The following CTTNBP2NL variants were observed in gnomAD, a reference collection of about 807,000 sequenced individuals.
CTTNBP2NL encodes CTTNBP2 N-terminal like.
In CTTNBP2NL, 16 loss-of-function variants were observed where a neutral mutation model predicts 32.5. The observed-to-expected ratio is 0.49, with a 90% CI of 0.33 to 0.75. CTTNBP2NL has a LOEUF of 0.75. Ranked by LOEUF, CTTNBP2NL falls within the 30% of genes least tolerant of loss-of-function variation. CTTNBP2NL has a pLI of 0.02. For synonymous variants in CTTNBP2NL, 298 were observed against 289.4 expected, an observed-to-expected ratio of 1.03 and a Z score of -0.30; for missense variants, 645 against 756.0, an observed-to-expected ratio of 0.85 and a Z score of 1.72.
chr1:112,432,066 ATT>A (rs11440212), intron 3 of CTTNBP2NL, among the ~76,000 whole-genome samples: 18 of 91,044 alleles, frequency 2.0e-4, no homozygotes, highest in African/African-American at 6.7e-4. Flanking sequence ...ATATATTTTG[ATT>A]TTTTTTTTTT....
chr1:112,432,272 A>C (rs1649588341), intron 3 of CTTNBP2NL, among the ~76,000 whole-genome samples: 2 of 151,634 alleles, frequency 1.3e-5, no homozygotes, highest in South Asian at 4.2e-4. Flanking sequence ...ACAGGGTTTC[A>C]CCGTGGTCTC....
At chr1:112,446,909 C>T (rs1650059672) in intron 3 of CTTNBP2NL, among the ~76,000 whole-genome samples, 1 of 152,126 alleles carries the variant, frequency 6.6e-6, no homozygotes, top group Admixed American at 6.5e-5. Flanking sequence ...TCTTTTCTTT[C>T]TCCATCCTAA....
At chr1:112,407,033 A>G (rs950005303) in intron 1 of CTTNBP2NL, among the ~76,000 whole-genome samples, 3 of 152,204 alleles carry the variant, frequency 2.0e-5, no homozygotes, top group Non-Finnish European at 4.4e-5. Context: ...AACTCAAAAC[A>G]TCTTTCCTCG....
intron 3 of CTTNBP2NL, among the ~76,000 whole-genome samples, chr1:112,432,166 C>T (rs768774586): frequency 3.3e-5 from 5 of 149,644 alleles, no homozygotes; most frequent in Non-Finnish European, 5.9e-5. Context: ...TTCTGCCTCC[C>T]GGGTTCACAC....
In CTTNBP2NL at chr1:112,456,688, C is replaced by T. The variant is rs773885675; in HGVS notation, c.1196C>T (p.Pro399Leu). Residue 399 changes from proline to leucine, a missense_variant, in exon 6 of 6, where the codon CCA becomes CTA. Physicochemically the swap from Pro to Leu is moderately conservative, Grantham distance 98. Transcript: ENST00000271277. ...NGGCPVGIETPVPMPSPLSSS... is the reference protein window; with the variant it reads ...NGGCPVGIETLVPMPSPLSSS... ...GGGTGTCCTGTGGGGATTGAGACTCCAGTCCCAATGCCCAGTCCCCTCTCT... is the reference window on the plus strand; with the variant it reads ...GGGTGTCCTGTGGGGATTGAGACTCTAGTCCCAATGCCCAGTCCCCTCTCT... 2 of 1,613,934 alleles carry T rather than the reference C, an allele frequency of 1.2e-6. No homozygotes were observed. The highest frequency in any genetic ancestry group is 1.3e-5 in the African/African-American group (1 of 74,898).
rs763972753 is a variant in CTTNBP2NL at position 112,456,618 on chromosome 1, G to GA, written c.1131dup (p.Ser378IlefsTer20). 2 of 1,614,104 alleles carry GA rather than the reference G, an allele frequency of 1.2e-6. No individual in the cohort carries two copies. The highest frequency in any genetic ancestry group is 1.1e-5 in the South Asian group (1 of 91,074). Reference sequence around the variant, plus strand: ...TGTAGAAAACCAGGTGCCTCCACGGGAAAAATCTGTGGCATTGGCCCAAGA... The same window carrying GA: ...TGTAGAAAACCAGGTGCCTCCACGGGAAAAAATCTGTGGCATTGGCCCAAGA... On this transcript the variant is annotated frameshift_variant, in exon 6 of 6. Coordinates refer to ENST00000271277, the MANE Select transcript of CTTNBP2NL (RefSeq NM_018704.3). LOFTEE classifies it low-confidence loss of function (END_TRUNC).
At position 112,459,728 on chromosome 1, in the gene CTTNBP2NL, A is replaced by G. The variant is rs1650491071; in HGVS notation, c.*2316A>G. ...AACTTTCTAAACTGGAGAGGAGGCT[A>G]CAGTGCCAGAGAGTTATTGTCTCTT... On this transcript the variant is annotated 3_prime_UTR_variant, in exon 6 of 6. Coordinates refer to ENST00000271277, the MANE Select transcript of CTTNBP2NL (RefSeq NM_018704.3). 1 of 152,236 alleles carries G rather than the reference A, an allele frequency of 6.6e-6. No individual in the cohort carries two copies. The highest frequency in any genetic ancestry group is 1.5e-5 in the Non-Finnish European group (1 of 68,042). The allele number at this position is 152,236 out of a possible 1,614,324, so 9.4% of individuals were successfully genotyped here. A position where few individuals can be genotyped will look rare whatever the true frequency, so the allele number is the denominator to read the frequency against.
At chr1:112,446,740 A>G (rs1351121738) in intron 3 of CTTNBP2NL, among the ~76,000 whole-genome samples, 3 of 152,064 alleles carry the variant, frequency 2.0e-5, no homozygotes, top group African/African-American at 4.8e-5. Flanking sequence ...TGTAGAGACA[A>G]GGTCTCCCTA....
chr1:112,439,041 G>A (rs1383198332), intron 3 of CTTNBP2NL, among the ~76,000 whole-genome samples: 1 of 152,162 alleles, frequency 6.6e-6, no homozygotes, highest in African/African-American at 2.4e-5. Flanking sequence ...AGGCTACAGT[G>A]ACAGCCGAAA....
chr1:112,452,455 C>T (rs978909893), intron 4 of CTTNBP2NL, among the ~76,000 whole-genome samples: 1 of 149,230 alleles, frequency 6.7e-6, no homozygotes, highest in African/African-American at 2.5e-5. Flanking sequence ...AGCGATTCTC[C>T]TGCCTCAGCC....
intron 3 of CTTNBP2NL, among the ~76,000 whole-genome samples, chr1:112,443,638 T>C (rs1447069406): frequency 6.6e-6 from 1 of 152,362 alleles, no homozygotes; most frequent in Middle Eastern, 3.4e-3. Context: ...TGTGAGCCAC[T>C]GCACCTGGCC....
intron 4 of CTTNBP2NL, among the ~76,000 whole-genome samples, chr1:112,452,468 C>T (rs926023697): frequency 1.5e-4 from 23 of 150,730 alleles, no homozygotes; most frequent in Non-Finnish European, 2.2e-4. Context: ...CCTCAGCCTC[C>T]CGAGTAGCTG....
chr1:112,445,900 G>C lies in CTTNBP2NL; in HGVS notation c.100-3042G>C, dbSNP rs1331595719. 4.6e-5 allele frequency among the ~76,000 whole-genome samples: 7 copies of C among 152,140 alleles called. No homozygotes were observed. In the South Asian group the frequency reaches 1.0e-3, roughly 22 times the overall value. On this transcript the variant is annotated intron_variant, in intron 3 of 5. Coordinates refer to ENST00000271277, the MANE Select transcript of CTTNBP2NL (RefSeq NM_018704.3). The stretch of plus-strand genomic sequence containing the variant: ...AGCTTCTCAGCAGATCTGATGTCAA[G>C]GTCATGAATTGTAGTCCCAGCTCCT...
chr1:112,406,462 G>A (rs930805533), intron 1 of CTTNBP2NL, among the ~76,000 whole-genome samples: 1 of 152,160 alleles, frequency 6.6e-6, no homozygotes, highest in African/African-American at 2.4e-5. Context: ...CTAGCTGTGA[G>A]GCTTTGAGCA....
intron 3 of CTTNBP2NL, among the ~76,000 whole-genome samples, chr1:112,423,756 C>CTG (rs1315245439): frequency 7.2e-5 from 11 of 152,224 alleles, no homozygotes; most frequent in Non-Finnish European, 1.5e-4. Flanking sequence ...CGGAGTCTCG[C>CTG]TGTGTCGCCA....
At chr1:112,397,164 T>C (rs141975345) in intron 1 of CTTNBP2NL, among the ~76,000 whole-genome samples, 1,714 of 152,350 alleles carry the variant, frequency 0.011, 18 homozygotes, top group Admixed American at 0.015. Flanking sequence ...TATATGTTGC[T>C]TGACAGTCAA....
intron 3 of CTTNBP2NL, among the ~76,000 whole-genome samples, chr1:112,422,321 ATTTC>A (rs930173877): frequency 2.0e-5 from 3 of 152,086 alleles, no homozygotes; most frequent in African/African-American, 7.2e-5. Context: ...TTGATAGCTC[ATTTC>A]TTCTTTGTTA....
intron 1 of CTTNBP2NL, among the ~76,000 whole-genome samples, chr1:112,410,085 T>C (rs189748519): frequency 2.1e-3 from 321 of 152,324 alleles, no homozygotes; most frequent in African/African-American, 7.4e-3. Flanking sequence ...TTGAAATCAC[T>C]TATTGATAAC....
chr1:112,414,985 T>G (rs992928307), intron 2 of CTTNBP2NL: 10 of 152,178 alleles, frequency 6.6e-5, no homozygotes, highest in Middle Eastern at 3.1e-3. Flanking sequence ...CCCAGGAGTT[T>G]GAGTCCAGTC....
Sources: gnomAD v4.1 joint callset for allele counts (sites outside exome capture counted in the v4.1 genomes callset) on GRCh38, gnomAD v4.1.1 for gene constraint, MANE v1.5 for transcripts, NCBI Gene and HGNC (gene_info 2026-07-23, HGNC 2026-07-21) for gene names.